Variants in GTSF1 observed in about 807,000 individuals in gnomAD.
GTSF1 encodes the protein gametocyte specific factor 1.
A neutral mutation model predicts 28.9 loss-of-function variants in GTSF1; 11 were observed. The ratio of observed to expected loss-of-function variants is 0.38; its 90% CI spans 0.24 to 0.63. The LOEUF (loss-of-function observed/expected upper bound fraction) is 0.63. Ranked by LOEUF, GTSF1 falls within the 30% of genes least tolerant of loss-of-function variation. The pLI is 0.56. For missense variants in GTSF1, 146 were observed against 201.0 expected (o/e 0.73, Z 1.66); for synonymous variants, 69 against 65.6 (o/e 1.05, Z -0.25).
At position 54,456,168 on chromosome 12, in the gene GTSF1, A is replaced by AG. The variant is rs1956326612; in HGVS notation, c.*21-16dup. On this transcript the variant is annotated splice_polypyrimidine_tract_variant and intron_variant, in intron 8 of 8. Coordinates refer to ENST00000305879, the MANE Select transcript of GTSF1 (RefSeq NM_144594.3). ...GGGTCTGGCATCTGCAAGTAAATGG[A>AG]GAAAAAAAAGTTCTTAGTTTTTTTC... The AG allele has an allele frequency of 1.3e-5, 2 of 152,504 alleles. No homozygotes were observed. Among genetic ancestry groups the AG allele is most frequent in the Non-Finnish European group, 2.9e-5 (2 of 68,030 alleles). 9.4% of individuals were successfully genotyped at this position (152,504 alleles called of 1,614,324 possible).
chr12:54,457,517 C>A (rs902045455), intron 8 of GTSF1, among the ~76,000 whole-genome samples: 2 of 152,164 alleles, frequency 1.3e-5, no homozygotes, highest in Admixed American at 6.5e-5. Flanking sequence ...TGGGCTCAAG[C>A]AATCCCCCTG....
At chr12:54,459,165 A>G in intron 7 of GTSF1, 40 bp from the exon 8 acceptor site, 18 of 1,576,730 alleles carry the variant, frequency 1.1e-5, no homozygotes, top group Non-Finnish European at 1.5e-5. Context: ...CACCATGTCA[A>G]TTGAAATTCA....
At position 54,470,397 on chromosome 12, in the gene GTSF1, T is replaced by A. The variant is rs930341156; in HGVS notation, c.16+836A>T. 3.3e-5 allele frequency among the ~76,000 whole-genome samples: 5 copies of A among 152,242 alleles called. No individual in the cohort carries two copies. The East Asian group carries it at 9.6e-4, about 29-fold the overall frequency. ...ATGTTAACAAGTTTGAGAACTACTG[T>A]GTTCTAGATATTTAATAAAGATTAT... On this transcript the variant is annotated intron_variant, in intron 2 of 8. Coordinates refer to ENST00000305879, the MANE Select transcript of GTSF1 (RefSeq NM_144594.3).
At position 54,462,053 on chromosome 12, in the gene GTSF1, G is replaced by GT. The variant is rs912201518; in HGVS notation, c.392+55dup. The GT allele has an allele frequency of 6.7e-6, 9 of 1,336,490 alleles. No homozygotes were observed. In the African/African-American group the frequency reaches 1.3e-4, roughly 19 times the overall value. 82.8% of individuals were successfully genotyped at this position (1,336,490 alleles called of 1,614,324 possible). ...ATTCATGCTCCGGTGGCTTCTCTTG[G>GT]TAACAGAACACGCTGATTTTGGGAG... On this transcript the variant is annotated intron_variant, in intron 6 of 8. Coordinates refer to ENST00000305879, the MANE Select transcript of GTSF1 (RefSeq NM_144594.3).
intron 2 of GTSF1, 93 bp downstream of exon 2, chr12:54,471,140 C>T (rs928226921): frequency 2.0e-5 from 20 of 977,890 alleles, no homozygotes; most frequent in South Asian, 9.0e-5. Flanking sequence ...TTGAGAAGTC[C>T]GACTTCTTCC....
intron 7 of GTSF1, 30 bp from the exon 8 acceptor site, chr12:54,459,155 C>A (rs1178264443): frequency 6.3e-7 from 1 of 1,589,372 alleles, no homozygotes; most frequent in Non-Finnish European, 8.6e-7. Context: ...AAAATAAATA[C>A]ACCATGTCAA....
chr12:54,463,376 C>T, intron 3 of GTSF1, 79 bp from the exon 4 acceptor site: 1 of 1,347,388 alleles, frequency 7.4e-7, no homozygotes. Context: ...CCTTATTCTA[C>T]AAATGCCTCC....
At chr12:54,464,322 C>G (rs895770160) in intron 3 of GTSF1, among the ~76,000 whole-genome samples, 1 of 152,160 alleles carries the variant, frequency 6.6e-6, no homozygotes, top group South Asian at 2.1e-4. Flanking sequence ...GGGATCCTTG[C>G]TCTCGAGATT....
chr12:54,462,065 G>C (rs778781765), intron 6 of GTSF1, 44 bp downstream of exon 6: 1 of 1,442,894 alleles, frequency 6.9e-7, no homozygotes, highest in South Asian at 1.1e-5. Flanking sequence ...AACAGAACAC[G>C]CTGATTTTGG....
chr12:54,469,639 G>A (rs756262671), intron 2 of GTSF1, among the ~76,000 whole-genome samples: 117 of 133,858 alleles, frequency 8.7e-4, no homozygotes, highest in Non-Finnish European at 1.5e-3. Flanking sequence ...AGTGAGCTGA[G>A]ATCATACCAC....
chr12:54,470,987 T>G (rs1956586979), intron 2 of GTSF1, among the ~76,000 whole-genome samples: 1 of 152,180 alleles, frequency 6.6e-6, no homozygotes, highest in African/African-American at 2.4e-5. Flanking sequence ...GAAGGTGAAG[T>G]CCTGCCTCAT....
chr12:54,462,420 G>A (rs1956436932), intron 5 of GTSF1, among the ~76,000 whole-genome samples: 1 of 152,088 alleles, frequency 6.6e-6, no homozygotes, highest in African/African-American at 2.4e-5. Context: ...ACAATTTATG[G>A]AAAAAAACAG....
chr12:54,462,610 A>G, intron 5 of GTSF1, 32 bp downstream of exon 5: 2 of 1,543,618 alleles, frequency 1.3e-6, no homozygotes, highest in Non-Finnish European at 8.9e-7. Flanking sequence ...AGATTTAGAC[A>G]TTGTGAAGAA....
intron 1 of GTSF1, among the ~76,000 whole-genome samples, chr12:54,473,215 C>T (rs1224148160): frequency 6.6e-6 from 1 of 151,974 alleles, no homozygotes; most frequent in Non-Finnish European, 1.5e-5. Context: ...ACTGGTTAAA[C>T]GCTTAACAGA....
rs1555169057 is a variant in GTSF1 at position 54,471,880 on chromosome 12, AAAAC to A, written c.-29-607_-29-604del. 5.0e-3 allele frequency: 766 copies of A among 152,836 alleles called. 5 individuals carry two copies. Among genetic ancestry groups the A allele is most frequent in the African/African-American group, 0.017 (705 of 41,154 alleles). The allele number at this position is 152,836 out of a possible 1,614,324, so 9.5% of individuals were successfully genotyped here. A position where few individuals can be genotyped will look rare whatever the true frequency, so the allele number is the denominator to read the frequency against. ...CAAAAAACAAAACAACCCCCCCCCA[AAAAC>A]AAACAAACAAACAAACAAAAAAACA... On this transcript the variant is annotated intron_variant, in intron 1 of 8. Coordinates refer to ENST00000305879, the MANE Select transcript of GTSF1 (RefSeq NM_144594.3).
chr12:54,472,318 T>C (rs545373549), intron 1 of GTSF1: 2 of 152,312 alleles, frequency 1.3e-5, no homozygotes, highest in South Asian at 2.1e-4. Flanking sequence ...TTTCACCTCC[T>C]CTCATCCCAA....
At chr12:54,471,014 G>A (rs951818859) in intron 2 of GTSF1, among the ~76,000 whole-genome samples, 2 of 152,110 alleles carry the variant, frequency 1.3e-5, no homozygotes, top group African/African-American at 4.8e-5. Context: ...GTTTAACAAA[G>A]GTGTCCTAAC....
At chr12:54,462,275 G>A (rs1956434758) in intron 5 of GTSF1, 103 bp from the exon 6 acceptor site, 1 of 786,824 alleles carries the variant, frequency 1.3e-6, no homozygotes, top group Non-Finnish European at 2.2e-6. Flanking sequence ...CCTAAGTTTT[G>A]CAGAAGCAAG....
chr12:54,456,397 T>C (rs539559406), intron 8 of GTSF1, among the ~76,000 whole-genome samples: 4 of 152,356 alleles, frequency 2.6e-5, no homozygotes, highest in African/African-American at 9.6e-5. Context: ...TGTGCACTTC[T>C]GTGTCAAGAG....
Sources: gnomAD v4.1 joint callset for allele counts (sites outside exome capture counted in the v4.1 genomes callset) on GRCh38, gnomAD v4.1.1 for gene constraint, MANE v1.5 for transcripts, NCBI Gene and HGNC (gene_info 2026-07-23, HGNC 2026-07-21) for gene names.